The following FAM20A variants were observed in gnomAD, a reference collection of about 807,000 sequenced individuals.
The protein encoded by FAM20A is FAM20A golgi associated secretory pathway pseudokinase, also known as pseudokinase FAM20A.
In FAM20A, 42 loss-of-function variants were observed where a neutral mutation model predicts 52.0. That is an observed-to-expected ratio of 0.81 (90% CI 0.63 to 1.04). The LOEUF (loss-of-function observed/expected upper bound fraction) is 1.04. FAM20A is among the 50% of genes least tolerant of loss of function. The probability of loss-of-function intolerance (pLI) is 0.00; values close to 1 mark genes in which losing one functional copy is unlikely to be tolerated. For missense variants in FAM20A, 742 were observed against 712.7 expected (o/e 1.04, Z -0.47); for synonymous variants, 304 against 298.9 (o/e 1.02, Z -0.18).
At chr17:68,583,247 G>A (rs530689572) in intron 1 of FAM20A, among the ~76,000 whole-genome samples, 2 of 152,074 alleles carry the variant, frequency 1.3e-5, no homozygotes, top group African/African-American at 4.8e-5. Flanking sequence ...TTTCTGTTGG[G>A]GCCCTAACAA....
chr17:68,569,231 T>A (rs1233290206), intron 1 of FAM20A, among the ~76,000 whole-genome samples: 1 of 152,106 alleles, frequency 6.6e-6, no homozygotes, highest in Non-Finnish European at 1.5e-5. Flanking sequence ...AATTTCTCTC[T>A]CCCTTCCCAA....
intron 4 of FAM20A, among the ~76,000 whole-genome samples, chr17:68,545,713 T>G (rs2086523776): frequency 6.6e-6 from 1 of 152,248 alleles, no homozygotes; most frequent in African/African-American, 2.4e-5. Context: ...GTAGAACTTC[T>G]GTCAAAATTG....
chr17:68,542,267 C>G, intron 6 of FAM20A, 102 bp from the exon 7 acceptor site: 1 of 1,266,862 alleles, frequency 7.9e-7, no homozygotes, highest in Admixed American at 1.9e-5. Context: ...AAACCCTGAA[C>G]TCACAGCTCG....
At chr17:68,590,370 C>T (rs1305205648) in intron 1 of FAM20A, 3 of 152,160 alleles carry the variant, frequency 2.0e-5, no homozygotes, top group Non-Finnish European at 4.4e-5. Context: ...AAACACTTTT[C>T]TCAGGACTTA....
At chr17:68,597,138 C>T (rs1037298462) in intron 1 of FAM20A, among the ~76,000 whole-genome samples, 2 of 151,962 alleles carry the variant, frequency 1.3e-5, no homozygotes, top group African/African-American at 4.8e-5. Context: ...CCATAACCTA[C>T]CTCTTATTGG....
At chr17:68,575,576 T>C (rs1337235023) in intron 1 of FAM20A, among the ~76,000 whole-genome samples, 42 of 106,450 alleles carry the variant, frequency 3.9e-4, no homozygotes, top group African/African-American at 1.5e-3. Flanking sequence ...TATTATATAA[T>C]ATATTCTATA....
intron 1 of FAM20A, among the ~76,000 whole-genome samples, chr17:68,596,947 C>G (rs2088469390): frequency 6.6e-6 from 1 of 152,176 alleles, no homozygotes; most frequent in Non-Finnish European, 1.5e-5. Context: ...AGCACACAGA[C>G]AGCCCACCTT....
At chr17:68,585,711 TTCTC>T (rs2143884516) in intron 1 of FAM20A, among the ~76,000 whole-genome samples, 2 of 152,302 alleles carry the variant, frequency 1.3e-5, no homozygotes, top group Non-Finnish European at 2.9e-5. Context: ...GCAATTTAAA[TTCTC>T]TCCTGAGATG....
At position 68,600,418 on chromosome 17, in the gene FAM20A, G is replaced by A. The variant is rs772926809; in HGVS notation, c.249C>T (p.Gly83=). Residue 83 remains glycine (G), a synonymous_variant, in exon 1 of 11, where the codon GGC becomes GGT. Transcript: ENST00000592554. This position sits in a 1 kb window ranked among gnomAD's most constrained non-coding sequence, Gnocchi z 6.2. ...RTEPRTEPAG[G]SHSGSSSKLQ... ...ACTTGGAGCTCGACCCGCTGTGGCT[G>A]CCGCCAGCCGGTTCAGTCCGGGGCT... 9.3e-6 allele frequency: 15 copies of A among 1,609,446 alleles called. No homozygotes were observed. The African/African-American group carries it at 1.2e-4, about 13-fold the overall frequency.
intron 1 of FAM20A, among the ~76,000 whole-genome samples, chr17:68,581,601 A>G (rs1234293213): frequency 9.1e-6 from 1 of 109,856 alleles, no homozygotes; most frequent in African/African-American, 3.7e-5. Context: ...TTTTTGACAG[A>G]GTCTCACTCT....
chr17:68,551,040 C>A, intron 4 of FAM20A: 1 of 1,224,046 alleles, frequency 8.2e-7, no homozygotes, highest in Non-Finnish European at 1.0e-6. Flanking sequence ...GAAAGCATGA[C>A]TTGGGTAACG....
intron 3 of FAM20A, among the ~76,000 whole-genome samples, chr17:68,554,067 C>CAT (rs1555824670): frequency 2.2e-4 from 21 of 93,592 alleles, no homozygotes; most frequent in East Asian, 2.0e-3. Context: ...CATATACACA[C>CAT]ATATACACAC....
chr17:68,596,155 A>T (rs527275391), intron 1 of FAM20A, among the ~76,000 whole-genome samples: 1 of 152,110 alleles, frequency 6.6e-6, no homozygotes, highest in Admixed American at 6.5e-5. Flanking sequence ...TGACAGCAAT[A>T]GGTAGGAGGA....
At chr17:68,575,716 ATTTTATATT>A (rs1244572528) in intron 1 of FAM20A, among the ~76,000 whole-genome samples, 7 of 114,628 alleles carry the variant, frequency 6.1e-5, no homozygotes, top group Non-Finnish European at 1.2e-4. Context: ...TATATTATAT[ATTTTATATT>A]TTATATATTA....
chr17:68,541,753 C>G (rs1441099223), intron 7 of FAM20A: 2 of 478,852 alleles, frequency 4.2e-6, no homozygotes, highest in African/African-American at 3.9e-5. Flanking sequence ...TCTTCCATTT[C>G]TGTATCCCAT....
At chr17:68,592,911 C>T (rs1007183825) in intron 1 of FAM20A, among the ~76,000 whole-genome samples, 7 of 152,150 alleles carry the variant, frequency 4.6e-5, no homozygotes, top group African/African-American at 1.7e-4. Flanking sequence ...TGCTCAAGCC[C>T]GAGTCTACTG....
Position 68,537,635 on chromosome 17 carries a change from G to GGACAGGGCTGAGCTGGTCTTCCA in FAM20A, c.1445_1467dup (p.Leu490TrpfsTer25). 6.2e-7 allele frequency: 1 copy of GGACAGGGCTGAGCTGGTCTTCCA among 1,613,738 alleles called. No individual in the cohort carries two copies. The highest frequency in any genetic ancestry group is 1.1e-5 in the South Asian group (1 of 90,908). ...AGGGCAAGGAGGTGGGGTTCAGTGAGGACAGGGCTGAGCTGGTCTTCCAGC... is the reference window on the plus strand; with the variant it reads ...AGGGCAAGGAGGTGGGGTTCAGTGAGGACAGGGCTGAGCTGGTCTTCCAGACAGGGCTGAGCTGGTCTTCCAGC... On this transcript the variant is annotated frameshift_variant, in exon 11 of 11. Transcript: ENST00000592554. LOFTEE classifies it low-confidence loss of function (END_TRUNC). The surrounding 1 kb of genome is among the most constrained non-coding windows in gnomAD (Gnocchi z 4.2).
chr17:68,559,527 T>C (rs2087151053), intron 1 of FAM20A, among the ~76,000 whole-genome samples: 1 of 152,200 alleles, frequency 6.6e-6, no homozygotes, highest in Non-Finnish European at 1.5e-5. Context: ...AGGGGAGAAG[T>C]AGAAATCACT....
chr17:68,575,427 ATTATATATT>A (rs1378259060), intron 1 of FAM20A, among the ~76,000 whole-genome samples: 1 of 120,490 alleles, frequency 8.3e-6, no homozygotes, highest in Non-Finnish European at 1.6e-5. Flanking sequence ...CTTTATATAT[ATTATATATT>A]TTATATATTA....
Sources: allele counts gnomAD v4.1 joint callset (sites outside exome capture counted in the v4.1 genomes callset), GRCh38; gene constraint gnomAD v4.1.1; non-coding constraint Gnocchi (gnomAD v3.1); transcripts MANE v1.5; gene names NCBI Gene and HGNC (gene_info 2026-07-23, HGNC 2026-07-21).